Variants in NALF1 observed in about 807,000 individuals in gnomAD.
NALF1 encodes the protein family with sequence similarity 155 member A.
A neutral mutation model predicts 48.4 loss-of-function variants in NALF1; 3 were observed. The ratio of observed to expected loss-of-function variants is 0.06; its 90% confidence interval spans 0.03 to 0.16. The LOEUF is 0.16. NALF1 is among the 10% of genes least tolerant of loss of function. The pLI is 1.00. For missense variants in NALF1, 526 were observed against 571.5 expected (o/e 0.92, Z 0.81); for synonymous variants, 262 against 245.7 (o/e 1.07, Z -0.62).
intron 1 of NALF1, among the ~76,000 whole-genome samples, chr13:107,548,680 G>A (rs1199149629): frequency 6.6e-6 from 1 of 151,978 alleles, no homozygotes; most frequent in Non-Finnish European, 1.5e-5. Flanking sequence ...TCTGGGCCCT[G>A]ACCTGCTCCC....
intron 1 of NALF1, among the ~76,000 whole-genome samples, chr13:107,228,417 T>A (rs763765254): frequency 5.9e-5 from 9 of 152,222 alleles, no homozygotes; most frequent in Non-Finnish European, 1.3e-4. Flanking sequence ...GGTAATCCCA[T>A]TATCAAAGAG....
intron 1 of NALF1, among the ~76,000 whole-genome samples, chr13:107,349,299 G>C (rs1345456908): frequency 6.6e-6 from 1 of 152,056 alleles, no homozygotes; most frequent in Non-Finnish European, 1.5e-5. Context: ...CCCAACTCAT[G>C]GCTCCTGGCC....
At chr13:107,477,615 T>C (rs1323679) in intron 1 of NALF1, among the ~76,000 whole-genome samples, 65,161 of 151,800 alleles carry the variant, frequency 0.43, 14,264 homozygotes, top group African/African-American at 0.48. Flanking sequence ...AGGTTACTCT[T>C]GGTAGTTGCT....
chr13:107,573,264 CTTAT>C (rs571027972), intron 1 of NALF1, among the ~76,000 whole-genome samples: 4 of 152,126 alleles, frequency 2.6e-5, no homozygotes, highest in Non-Finnish European at 4.4e-5. Flanking sequence ...TACTTCTGCT[CTTAT>C]TTATCTAATT....
chr13:107,642,098 G>T (rs1251820973), intron 1 of NALF1, among the ~76,000 whole-genome samples: 1 of 152,074 alleles, frequency 6.6e-6, no homozygotes, highest in Admixed American at 6.6e-5. Flanking sequence ...GCATCTCCCC[G>T]ACCCACTGGA....
intron 1 of NALF1, among the ~76,000 whole-genome samples, chr13:107,572,638 GT>G (rs1878022788): frequency 1.3e-5 from 2 of 152,190 alleles, no homozygotes; most frequent in Non-Finnish European, 2.9e-5. Flanking sequence ...GCCTTTCATT[GT>G]TTTTTACAGA....
At chr13:107,653,195 T>C (rs1369343357) in intron 1 of NALF1, among the ~76,000 whole-genome samples, 1 of 152,010 alleles carries the variant, frequency 6.6e-6, no homozygotes, top group African/African-American at 2.4e-5. Flanking sequence ...TTTACCACAT[T>C]AAATTAGATT....
chr13:107,464,854 T>A (rs1401734934), intron 1 of NALF1, among the ~76,000 whole-genome samples: 2 of 152,182 alleles, frequency 1.3e-5, no homozygotes, highest in African/African-American at 4.8e-5. Flanking sequence ...TGTTGAGGTA[T>A]GCTCAACATA....
intron 1 of NALF1, among the ~76,000 whole-genome samples, chr13:107,434,471 T>C (rs1483205154): frequency 1.3e-5 from 2 of 152,194 alleles, no homozygotes; most frequent in Non-Finnish European, 2.9e-5. Flanking sequence ...GATGAGGTTA[T>C]TGGTTTAGAT....
chr13:107,585,562 C>A (rs1348961410), intron 1 of NALF1, among the ~76,000 whole-genome samples: 1 of 152,066 alleles, frequency 6.6e-6, no homozygotes, highest in Non-Finnish European at 1.5e-5. Flanking sequence ...GACAAAATTC[C>A]AATGATGATG....
At chr13:107,526,072 T>C (rs1292265522) in intron 1 of NALF1, among the ~76,000 whole-genome samples, 1 of 152,160 alleles carries the variant, frequency 6.6e-6, no homozygotes, top group African/African-American at 2.4e-5. Context: ...TTGCCAGATA[T>C]ATACTTTGCA....
chr13:107,248,596 C>T (rs1164904522), intron 1 of NALF1, among the ~76,000 whole-genome samples: 1 of 148,474 alleles, frequency 6.7e-6, no homozygotes, highest in Admixed American at 6.9e-5. Flanking sequence ...CCACATGTGG[C>T]TTTTTAAATT....
At chr13:107,533,162 CTTTCTT>C (rs1022817156) in intron 1 of NALF1, among the ~76,000 whole-genome samples, 24 of 152,014 alleles carry the variant, frequency 1.6e-4, no homozygotes, top group African/African-American at 5.8e-4. Flanking sequence ...AGTTTTGCCC[CTTTCTT>C]TTTTCTCTGT....
intron 1 of NALF1, among the ~76,000 whole-genome samples, chr13:107,564,756 G>A (rs756320304): frequency 3.9e-5 from 6 of 152,110 alleles, no homozygotes; most frequent in Non-Finnish European, 8.8e-5. Context: ...CTGGAAGAGT[G>A]TTGGTGGCAA....
At chr13:107,400,235 G>A (rs114202300) in intron 1 of NALF1, among the ~76,000 whole-genome samples, 2,961 of 152,148 alleles carry the variant, frequency 0.019, 105 homozygotes, top group African/African-American at 0.067. Context: ...ATATAGGCAT[G>A]GATTATTAAA....
At position 107,201,430 on chromosome 13, in the gene NALF1, A is replaced by T. The variant is rs534262102; in HGVS notation, c.1087+9154T>A. Among the ~76,000 whole-genome samples, 23 of 152,224 alleles carry T rather than the reference A, an allele frequency of 1.5e-4. No individual in the cohort carries two copies. The East Asian group carries it at 4.3e-3, about 28-fold the overall frequency. On this transcript the variant is annotated intron_variant, in intron 2 of 2. Transcript: ENST00000375915. ...TCTCTACTAAAAATACCAAAAAACC[A>T]GCCGGACGTGGTGGCGGGCGCCTGT... is the stretch of plus-strand genomic sequence containing the variant.
At chr13:107,241,636 C>A (rs1413078176) in intron 1 of NALF1, among the ~76,000 whole-genome samples, 1 of 152,128 alleles carries the variant, frequency 6.6e-6, no homozygotes, top group Non-Finnish European at 1.5e-5. Context: ...CAGGCAAAGC[C>A]CTTACAGCAG....
chr13:107,264,720 C>G (rs1226752743), intron 1 of NALF1, among the ~76,000 whole-genome samples: 1 of 152,172 alleles, frequency 6.6e-6, no homozygotes, highest in Non-Finnish European at 1.5e-5. Flanking sequence ...TGTGCAGCTA[C>G]TCAGGTTTTT....
At chr13:107,538,010 C>T (rs1219763751) in intron 1 of NALF1, among the ~76,000 whole-genome samples, 3 of 151,990 alleles carry the variant, frequency 2.0e-5, no homozygotes, top group Admixed American at 1.3e-4. Flanking sequence ...AAGTGACACC[C>T]CATCTCAAAC....
Sources: allele counts gnomAD v4.1 joint callset (sites outside exome capture counted in the v4.1 genomes callset), GRCh38; gene constraint gnomAD v4.1.1; transcripts MANE v1.5; gene names NCBI Gene and HGNC (gene_info 2026-07-23, HGNC 2026-07-21).